CNTNAP4: variants seen among roughly 807,000 people sequenced by gnomAD.
CNTNAP4 encodes contactin associated protein family member 4, also known as contactin-associated protein-like 4.
Under a neutral mutation model 148.4 loss-of-function variants are expected in CNTNAP4, and 98 were observed. That is an observed-to-expected ratio of 0.66 (90% CI 0.56 to 0.78). The LOEUF is 0.78. Among genes scored for constraint, CNTNAP4 ranks in the 30% least tolerant of loss-of-function variants. The probability of loss-of-function intolerance (pLI) is 0.00; values close to 1 mark genes in which losing one functional copy is unlikely to be tolerated. For missense variants in CNTNAP4, 1,935 were observed against 1,565.6 expected (o/e 1.24, Z -3.98); for synonymous variants, 730 against 565.1 (o/e 1.29, Z -4.14).
chr16:76,433,632 A>G (rs893463582), intron 4 of CNTNAP4, among the ~76,000 whole-genome samples: 2 of 152,178 alleles, frequency 1.3e-5, no homozygotes, highest in East Asian at 3.9e-4. Context: ...AAAGACAGCT[A>G]GATAATAGTC....
At chr16:76,319,842 C>G (rs544191242) in intron 2 of CNTNAP4, among the ~76,000 whole-genome samples, 1 of 152,186 alleles carries the variant, frequency 6.6e-6, no homozygotes, top group Non-Finnish European at 1.5e-5. Context: ...CTGTGGACAT[C>G]TTGATTTCAG....
chr16:76,452,482 A>G (rs772904636), intron 7 of CNTNAP4, 26 bp from the exon 8 acceptor site: 1 of 1,611,828 alleles, frequency 6.2e-7, no homozygotes, highest in Non-Finnish European at 8.5e-7. Flanking sequence ...ACATTCTGAA[A>G]GCTTTTTCTT....
At chr16:76,299,580 A>G (rs75012275) in intron 1 of CNTNAP4, among the ~76,000 whole-genome samples, 85,327 of 151,752 alleles carry the variant, frequency 0.56, 24,258 homozygotes, top group Admixed American at 0.64. Flanking sequence ...TGTGGAAGTC[A>G]GTGTGGCGAT....
intron 1 of CNTNAP4, among the ~76,000 whole-genome samples, chr16:76,288,518 C>T (rs946558706): frequency 1.3e-5 from 2 of 152,174 alleles, no homozygotes; most frequent in African/African-American, 4.8e-5. Context: ...CAAGCCTCAT[C>T]TCCTTTGTCC....
Position 76,347,379 on chromosome 16 carries a change from T to C in CNTNAP4, c.197-7939T>C, listed in dbSNP as rs139885766. Among the ~76,000 whole-genome samples the C allele has an allele frequency of 7.4e-3, 1,120 of 152,280 alleles. 13 individuals are homozygous for C. Among genetic ancestry groups the C allele is most frequent in the African/African-American group, 0.025 (1,054 of 41,562 alleles). On this transcript the variant is annotated intron_variant, in intron 2 of 23. Coordinates refer to ENST00000611870, the MANE Select transcript of CNTNAP4 (RefSeq NM_033401.5). ...TAAGCACCTACTATGTGTCCAGCAA[T>C]GTGCTAGACACTTGGGGTCTATCAA... is the stretch of plus-strand genomic sequence containing the variant.
intron 10 of CNTNAP4, among the ~76,000 whole-genome samples, chr16:76,474,264 G>C (rs1167255406): frequency 6.6e-6 from 1 of 152,154 alleles, no homozygotes; most frequent in Non-Finnish European, 1.5e-5. Flanking sequence ...GTCCTTGAAA[G>C]ACATACCTGG....
rs1005976204 is a variant in CNTNAP4, at chr16:76,409,633, T to C, written c.391-17819T>C. Reference sequence around the variant, plus strand: ...GTAAAGAAATTAAAACTATTTTTGTTGAAGTAACTTTCCTAGGAAGTATTC... The same window carrying C: ...GTAAAGAAATTAAAACTATTTTTGTCGAAGTAACTTTCCTAGGAAGTATTC... On this transcript the variant is annotated intron_variant, in intron 3 of 23. Coordinates refer to ENST00000611870, the MANE Select transcript of CNTNAP4 (RefSeq NM_033401.5). Among the ~76,000 whole-genome samples, 11 of 152,150 alleles carry C rather than the reference T, an allele frequency of 7.2e-5. No individual in the cohort carries two copies. The East Asian group carries it at 1.7e-3, about 24-fold the overall frequency.
At chr16:76,484,815 C>A (rs563159946) in intron 12 of CNTNAP4, among the ~76,000 whole-genome samples, 20 of 152,246 alleles carry the variant, frequency 1.3e-4, no homozygotes, top group African/African-American at 4.8e-4. Flanking sequence ...TTATATAGAT[C>A]AGGTATAATG....
intron 9 of CNTNAP4, among the ~76,000 whole-genome samples, chr16:76,465,352 C>A (rs553207166): frequency 6.6e-6 from 1 of 152,210 alleles, no homozygotes; most frequent in Admixed American, 6.5e-5. Flanking sequence ...GGGTTGAACC[C>A]CTCTTTGTTC....
At chr16:76,525,965 A>G (rs2083713553) in intron 17 of CNTNAP4, among the ~76,000 whole-genome samples, 2 of 151,598 alleles carry the variant, frequency 1.3e-5, no homozygotes, top group Non-Finnish European at 2.9e-5. Flanking sequence ...CATCATATGT[A>G]TGTATCCGTA....
At chr16:76,279,475 G>A (rs1358245234) in intron 1 of CNTNAP4, among the ~76,000 whole-genome samples, 4 of 152,200 alleles carry the variant, frequency 2.6e-5, no homozygotes, top group African/African-American at 4.8e-5. Context: ...TGCTGAAAGA[G>A]ATCTGAGGAG....
intron 1 of CNTNAP4, among the ~76,000 whole-genome samples, chr16:76,290,021 G>A (rs1433257017): frequency 6.6e-6 from 1 of 152,108 alleles, no homozygotes; most frequent in Non-Finnish European, 1.5e-5. Context: ...AACTTTTCAT[G>A]CATGTTGACA....
At chr16:76,373,794 C>T (rs1354892448) in intron 3 of CNTNAP4, among the ~76,000 whole-genome samples, 2 of 150,490 alleles carry the variant, frequency 1.3e-5, no homozygotes, top group East Asian at 2.0e-4. Flanking sequence ...ACTTGGGAGG[C>T]TGAGGTGGGG....
chr16:76,372,320 T>G (rs1049753558), intron 3 of CNTNAP4, among the ~76,000 whole-genome samples: 5 of 151,220 alleles, frequency 3.3e-5, no homozygotes, highest in Admixed American at 6.6e-5. Context: ...TTTTTTTTTT[T>G]TGTATTTTTA....
At chr16:76,510,196 T>C in intron 15 of CNTNAP4, among the ~76,000 whole-genome samples, 1 of 152,142 alleles carries the variant, frequency 6.6e-6, no homozygotes, top group Non-Finnish European at 1.5e-5. Context: ...GCTTTTTTTT[T>C]TCTACAGACT....
chr16:76,298,486 A>ATG (rs3975398), intron 1 of CNTNAP4, among the ~76,000 whole-genome samples: 18,350 of 129,204 alleles, frequency 0.14, 1,087 homozygotes, highest in African/African-American at 0.17. Context: ...GTGTACATGT[A>ATG]TGTGTGTGTG....
intron 3 of CNTNAP4, among the ~76,000 whole-genome samples, chr16:76,409,591 GAAAAT>G (rs1035289391): frequency 3.3e-5 from 5 of 151,922 alleles, no homozygotes; most frequent in African/African-American, 1.2e-4. Flanking sequence ...TAGTTAAAAA[GAAAAT>G]AAAACTCTAC....
rs193046947 is a variant in CNTNAP4, at chr16:76,492,145, T to C, written c.2080+2262T>C. Among the ~76,000 whole-genome samples, 7 of 152,256 alleles carry C rather than the reference T, an allele frequency of 4.6e-5. No individual in the cohort carries two copies. The East Asian group carries it at 1.2e-3, about 25-fold the overall frequency. ...GAGATGTTGGTCAAAGGGTACAAAT[T>C]TGCAGTTGTAAGATGAATATATTCT... is the stretch of plus-strand genomic sequence containing the variant. On this transcript the variant is annotated intron_variant, in intron 13 of 23. Transcript: ENST00000611870.
rs933954416 is a variant in CNTNAP4, at chr16:76,476,858, A to G, written c.1762+813A>G. Reference sequence around the variant, plus strand: ...TTGAGGGGACACAAACCTTCAGTCTATTGCGCTAGATAATTCTTATGTTAT... The same window carrying G: ...TTGAGGGGACACAAACCTTCAGTCTGTTGCGCTAGATAATTCTTATGTTAT... On this transcript the variant is annotated intron_variant, in intron 11 of 23. Transcript: ENST00000611870. 3.9e-5 allele frequency among the ~76,000 whole-genome samples: 6 copies of G among 152,148 alleles called. No homozygotes were observed. The South Asian group carries it at 6.2e-4, about 16-fold the overall frequency.
Sources: allele counts gnomAD v4.1 joint callset (sites outside exome capture counted in the v4.1 genomes callset), GRCh38; gene constraint gnomAD v4.1.1; transcripts MANE v1.5; gene names NCBI Gene and HGNC (gene_info 2026-07-23, HGNC 2026-07-21).